Variants in FIP1L1 observed in about 807,000 individuals in gnomAD.
FIP1L1 encodes factor interacting with PAPOLA and CPSF1, also known as pre-mRNA 3'-end-processing factor FIP1.
A neutral mutation model predicts 84.6 loss-of-function variants in FIP1L1; 21 were observed. The ratio of observed to expected loss-of-function variants is 0.25; its 90% CI spans 0.18 to 0.36. The LOEUF (loss-of-function observed/expected upper bound fraction) is 0.36, where lower values mean the gene tolerates loss of function less well. FIP1L1 is among the 10% of genes least tolerant of loss of function. FIP1L1 has a pLI of 1.00. For synonymous variants in FIP1L1, 263 were observed against 242.3 expected, an observed-to-expected ratio of 1.09 and a Z score of -0.80; for missense variants, 526 against 751.1, an observed-to-expected ratio of 0.70 and a Z score of 3.50.
In FIP1L1 at chr4:53,384,009, G is replaced by A. The variant is rs563218948; in HGVS notation, c.332+133G>A. On this transcript the variant is annotated intron_variant, in intron 5 of 17. Coordinates refer to ENST00000337488, the MANE Select transcript of FIP1L1 (RefSeq NM_030917.4). ...TTTTAACATAAAAGAACTTGTTAAA[G>A]TTTCATCATGAATATACTTCTTTGC... 5.1e-4 allele frequency: 445 copies of A among 866,646 alleles called. 3 individuals are homozygous for A. Among genetic ancestry groups the A allele is most frequent in the Middle Eastern group, 1.8e-3 (7 of 3,818 alleles). The allele number at this position is 866,646 out of a possible 1,614,324, so 53.7% of individuals were successfully genotyped here.
At chr4:53,427,456 A>G (rs1244454131) in intron 12 of FIP1L1, among the ~76,000 whole-genome samples, 1 of 152,118 alleles carries the variant, frequency 6.6e-6, no homozygotes, top group African/African-American at 2.4e-5. Context: ...TCAAGAATAA[A>G]CCCTGGTCTT....
intron 9 of FIP1L1, among the ~76,000 whole-genome samples, chr4:53,396,630 T>G (rs1204570393): frequency 6.6e-6 from 1 of 152,016 alleles, no homozygotes; most frequent in Non-Finnish European, 1.5e-5. Context: ...GGTCTCGAAC[T>G]CCTGACCTCG....
At chr4:53,458,134 A>G (rs1179387527) in intron 16 of FIP1L1, among the ~76,000 whole-genome samples, 1 of 152,116 alleles carries the variant, frequency 6.6e-6, no homozygotes, top group Non-Finnish European at 1.5e-5. Flanking sequence ...CTATTTGATG[A>G]ATATTTAGTA....
chr4:53,442,416 C>G (rs1271575878), intron 13 of FIP1L1: 1 of 425,512 alleles, frequency 2.4e-6, no homozygotes, highest in Non-Finnish European at 4.2e-6. Context: ...AAAATAAGAC[C>G]GGTGTCCTGA....
At chr4:53,400,373 CTT>C (rs1322626255) in intron 10 of FIP1L1, among the ~76,000 whole-genome samples, 1 of 152,088 alleles carries the variant, frequency 6.6e-6, no homozygotes, top group Non-Finnish European at 1.5e-5. Context: ...TAGAAAATGT[CTT>C]TTTTACTTAA....
rs1757822515 is a variant in FIP1L1, at chr4:53,412,895, T to C, written c.816-1720T>C. ...TGTAATGGCTGCAAAATAGTGATTA[T>C]GTAACTCTTATTTCTCTTAACATTT... On this transcript the variant is annotated intron_variant, in intron 10 of 17. Coordinates refer to ENST00000337488, the MANE Select transcript of FIP1L1 (RefSeq NM_030917.4). 3.3e-5 allele frequency among the ~76,000 whole-genome samples: 5 copies of C among 152,140 alleles called. No individual in the cohort carries two copies. In the South Asian group the frequency reaches 1.0e-3, roughly 31 times the overall value.
chr4:53,402,316 G>A (rs1380915264), intron 10 of FIP1L1, among the ~76,000 whole-genome samples: 3 of 151,934 alleles, frequency 2.0e-5, no homozygotes, highest in Non-Finnish European at 4.4e-5. Context: ...CTTTTTGGAA[G>A]ACTATTTTCT....
chr4:53,403,243 CAG>C (rs754364834), intron 10 of FIP1L1, among the ~76,000 whole-genome samples: 12 of 151,958 alleles, frequency 7.9e-5, no homozygotes, highest in Admixed American at 2.0e-4. Flanking sequence ...ATTGATGACA[CAG>C]GGAGAGAAAC....
chr4:53,419,501 T>C (rs1761218170), intron 11 of FIP1L1, among the ~76,000 whole-genome samples: 1 of 152,144 alleles, frequency 6.6e-6, no homozygotes, highest in African/African-American at 2.4e-5. Context: ...AGTGTAGTGG[T>C]GGGATCATAG....
intron 11 of FIP1L1, among the ~76,000 whole-genome samples, chr4:53,421,490 G>A (rs571127795): frequency 2.6e-5 from 4 of 151,964 alleles, no homozygotes; most frequent in South Asian, 2.1e-4. Context: ...CTTTCCTAAC[G>A]TAGCTTAAAA....
intron 11 of FIP1L1, among the ~76,000 whole-genome samples, chr4:53,419,973 C>T (rs929156444): frequency 5.3e-5 from 8 of 151,938 alleles, no homozygotes; most frequent in Admixed American, 5.2e-4. Context: ...CTTTGGGAGG[C>T]CGAGGCGGGT....
At position 53,389,735 on chromosome 4, in the gene FIP1L1, C is replaced by G. The variant is rs1743127525; in HGVS notation, c.333-74C>G. On this transcript the variant is annotated intron_variant, in intron 5 of 17. Transcript: ENST00000337488. Reference sequence around the variant, plus strand: ...TATGTGATTGTATAATTTGTTTGTACAAATGGAATATATTACTGTTTTGTT... The same window carrying G: ...TATGTGATTGTATAATTTGTTTGTAGAAATGGAATATATTACTGTTTTGTT... The G allele has an allele frequency of 4.5e-6, 5 of 1,117,636 alleles. No homozygotes were observed. The South Asian group carries it at 5.5e-5, about 12-fold the overall frequency. The allele number at this position is 1,117,636 out of a possible 1,614,324, so 69.2% of individuals were successfully genotyped here.
At chr4:53,440,780 T>C (rs756024295) in intron 13 of FIP1L1, 1 of 586,986 alleles carries the variant, frequency 1.7e-6, no homozygotes, top group Non-Finnish European at 3.1e-6. Context: ...TTAAGATATT[T>C]AGTTTTCTTA....
At chr4:53,429,712 T>G (rs1482520839) in intron 13 of FIP1L1, among the ~76,000 whole-genome samples, 5 of 152,192 alleles carry the variant, frequency 3.3e-5, no homozygotes, top group Admixed American at 3.3e-4. Context: ...TTGTATATGT[T>G]TATGGGGTAC....
intron 9 of FIP1L1, among the ~76,000 whole-genome samples, chr4:53,396,405 A>AT (rs941504467): frequency 5.0e-5 from 5 of 100,710 alleles, no homozygotes; most frequent in African/African-American, 1.4e-4. Context: ...TACAATTAGA[A>AT]TCTTTTTTTT....
At chr4:53,456,604 A>T (rs1286960117) in intron 16 of FIP1L1, among the ~76,000 whole-genome samples, 2 of 152,132 alleles carry the variant, frequency 1.3e-5, no homozygotes. Context: ...CATTGTTTTG[A>T]AAATTACAGG....
chr4:53,391,556 C>T, intron 9 of FIP1L1, 58 bp downstream of exon 9: 1 of 1,195,730 alleles, frequency 8.4e-7, no homozygotes, highest in Non-Finnish European at 1.2e-6. Context: ...AGTCTGCTCC[C>T]ATGCCACTAC....
intron 3 of FIP1L1, among the ~76,000 whole-genome samples, chr4:53,380,351 A>G (rs1281649459): frequency 6.6e-6 from 1 of 152,220 alleles, no homozygotes; most frequent in African/African-American, 2.4e-5. Context: ...GAACCTTACA[A>G]ATGTGGAAGC....
At chr4:53,448,271 CATCTATTACAT>C (rs1416399483) in intron 15 of FIP1L1, among the ~76,000 whole-genome samples, 126 of 152,028 alleles carry the variant, frequency 8.3e-4, no homozygotes, top group Non-Finnish European at 1.6e-3. Context: ...TCGTCTCTGT[CATCTATTACAT>C]ATCTATGTGT....
Sources: allele counts gnomAD v4.1 joint callset (sites outside exome capture counted in the v4.1 genomes callset), GRCh38; gene constraint gnomAD v4.1.1; transcripts MANE v1.5; gene names NCBI Gene and HGNC (gene_info 2026-07-23, HGNC 2026-07-21).